The following AGGF1 variants were observed in gnomAD, a reference collection of about 807,000 sequenced individuals.
The protein encoded by AGGF1 is angiogenic factor with G-patch and FHA domains 1.
AGGF1 carries 56 observed loss-of-function variants against 86.5 expected under a neutral mutation model. The observed-to-expected ratio is 0.65, with a 90% CI of 0.52 to 0.81. The LOEUF is 0.81. AGGF1 is among the 30% of genes least tolerant of loss of function. The probability of loss-of-function intolerance (pLI) is 0.00; values close to 1 mark genes in which losing one functional copy is unlikely to be tolerated. For synonymous variants in AGGF1, 313 were observed against 297.1 expected, an observed-to-expected ratio of 1.05 and a Z score of -0.55; for missense variants, 816 against 850.9, an observed-to-expected ratio of 0.96 and a Z score of 0.51.
At chr5:77,031,812 G>A (rs995771941) in intron 1 of AGGF1, among the ~76,000 whole-genome samples, 4 of 152,144 alleles carry the variant, frequency 2.6e-5, no homozygotes, top group African/African-American at 9.7e-5. Context: ...GCTGAGGCAG[G>A]AGAATTGCTT....
At position 77,046,344 on chromosome 5, in the gene AGGF1, C is replaced by T. The variant is rs763334708; in HGVS notation, c.871-3C>T. On this transcript the variant is annotated splice_polypyrimidine_tract_variant and splice_region_variant and intron_variant, in intron 5 of 13. Coordinates refer to ENST00000312916, the MANE Select transcript of AGGF1 (RefSeq NM_018046.5). ...TCCCTCGTATCTACCCACCCTTCTC[C>T]AGGATTTGAACTCAGAGGATCAAAA... 1.9e-5 allele frequency: 30 copies of T among 1,612,342 alleles called. 1 individual carries two copies. The Admixed American group carries it at 3.7e-4, about 20-fold the overall frequency.
At chr5:77,042,195 C>T (rs545654080) in intron 5 of AGGF1, among the ~76,000 whole-genome samples, 15 of 151,970 alleles carry the variant, frequency 9.9e-5, no homozygotes, top group Non-Finnish European at 1.9e-4. Context: ...AAAATGAAGT[C>T]TCCCATGTCT....
chr5:77,042,939 C>T (rs1747147796), intron 5 of AGGF1, among the ~76,000 whole-genome samples: 1 of 62,744 alleles, frequency 1.6e-5, no homozygotes, highest in Admixed American at 1.4e-4. Context: ...CCGGGCGGGG[C>T]GGCTGGCCGG....
intron 11 of AGGF1, among the ~76,000 whole-genome samples, chr5:77,058,684 G>C (rs116795824): frequency 4.5e-4 from 68 of 152,122 alleles, no homozygotes; most frequent in South Asian, 8.3e-4. Flanking sequence ...TACCTTCCTT[G>C]AGTTGCTCTC....
chr5:77,046,291 A>T, intron 5 of AGGF1, 56 bp from the exon 6 acceptor site: 1 of 1,358,652 alleles, frequency 7.4e-7, no homozygotes, highest in Non-Finnish European at 1.1e-6. Context: ...GTTATAAGAT[A>T]GTGATGTTTA....
At chr5:77,047,599 C>T (rs1223368834) in intron 6 of AGGF1, among the ~76,000 whole-genome samples, 6 of 136,408 alleles carry the variant, frequency 4.4e-5, no homozygotes, top group Non-Finnish European at 9.8e-5. Context: ...CTGTAACCTC[C>T]GCCTCCTGGG....
chr5:77,048,510 C>T (rs1747311780), intron 7 of AGGF1, among the ~76,000 whole-genome samples: 3 of 152,118 alleles, frequency 2.0e-5, no homozygotes. Flanking sequence ...CACCACCACG[C>T]CCAGCTGATT....
At chr5:77,041,804 TA>T (rs1561285675) in intron 5 of AGGF1, among the ~76,000 whole-genome samples, 1,185 of 115,140 alleles carry the variant, frequency 0.01, 33 homozygotes, top group African/African-American at 0.037. Context: ...TTTATTTATT[TA>T]TTTATTTATT....
intron 5 of AGGF1, among the ~76,000 whole-genome samples, chr5:77,041,566 C>CAAAAAAA: frequency 1.4e-5 from 1 of 70,378 alleles, no homozygotes. Flanking sequence ...GACTCCATCT[C>CAAAAAAA]AAAAAAAAAA....
chr5:77,032,802 A>G (rs1746895561), intron 1 of AGGF1, among the ~76,000 whole-genome samples: 2 of 152,300 alleles, frequency 1.3e-5, no homozygotes, highest in East Asian at 1.9e-4. Flanking sequence ...TTTATTTCTT[A>G]CAGAAAAGAA....
chr5:77,031,078 T>C, intron 1 of AGGF1, 102 bp downstream of exon 1: 1 of 1,225,378 alleles, frequency 8.2e-7, no homozygotes, highest in Non-Finnish European at 1.2e-6. Flanking sequence ...TCAGAACTAC[T>C]GTAGAGTACT....
In AGGF1 at chr5:77,059,719, A is replaced by G. The variant is rs374227187; in HGVS notation, c.1820A>G (p.Asp607Gly). 3.1e-6 allele frequency: 5 copies of G among 1,613,870 alleles called. No homozygotes were observed. In the East Asian group the frequency reaches 6.7e-5, roughly 22 times the overall value. Reference sequence around the variant, plus strand: ...GGAAGTGAAGGAACTTTCCAAAGAGATGATGCTCCTGCATCTGTTCATTCG... The same window carrying G: ...GGAAGTGAAGGAACTTTCCAAAGAGGTGATGCTCCTGCATCTGTTCATTCG... Reference protein sequence around the residue: ...QVGSEGTFQRDDAPASVHSEI... With the variant: ...QVGSEGTFQRGDAPASVHSEI... Residue 607 changes from aspartate (D) to glycine (G), a missense_variant, in exon 12 of 14, where the codon GAT (aspartate) becomes GGT (glycine). Physicochemically the swap from Asp to Gly is moderately conservative, Grantham distance 94. This residue lies in a region of AGGF1 where 565 missense variants were observed against 585.8 expected (regional missense o/e 0.96). Transcript: ENST00000312916.
chr5:77,032,875 G>A lies in AGGF1; in HGVS notation c.211-1543G>A, dbSNP rs192498512. On this transcript the variant is annotated intron_variant, in intron 1 of 13. Transcript: ENST00000312916. The stretch of plus-strand genomic sequence containing the variant: ...CCCTAAAGAATTAGAAAATTTAAGA[G>A]CTATCAATTCCCATTCATGTTATCT... Among the ~76,000 whole-genome samples the A allele has an allele frequency of 9.9e-5, 15 of 152,180 alleles. 1 individual carries two copies. In the East Asian group the frequency reaches 2.5e-3, roughly 25 times the overall value.
intron 5 of AGGF1, among the ~76,000 whole-genome samples, chr5:77,040,128 G>C (rs13153746): frequency 0.23 from 33,148 of 145,290 alleles, 3,827 homozygotes; most frequent in Non-Finnish European, 0.26. Flanking sequence ...TTTTTTTTGA[G>C]ACAGAGTTTC....
intron 4 of AGGF1, among the ~76,000 whole-genome samples, chr5:77,038,770 A>G (rs1747008747): frequency 6.6e-6 from 1 of 152,146 alleles, no homozygotes; most frequent in Non-Finnish European, 1.5e-5. Context: ...TGGATTTAGG[A>G]TGTAAATAAA....
intron 5 of AGGF1, among the ~76,000 whole-genome samples, chr5:77,041,054 A>C (rs763298809): frequency 6.6e-6 from 1 of 152,242 alleles, no homozygotes; most frequent in Non-Finnish European, 1.5e-5. Flanking sequence ...CCAAAGAAAA[A>C]TTACTTGATA....
At chr5:77,046,247 A>T (rs115928121) in intron 5 of AGGF1, 100 bp from the exon 6 acceptor site, 1 of 1,012,188 alleles carries the variant, frequency 9.9e-7, no homozygotes, top group Non-Finnish European at 1.6e-6. Context: ...TTACTGACAC[A>T]TATCTTCACG....
chr5:77,060,387 T>A (rs1452557240), intron 12 of AGGF1, among the ~76,000 whole-genome samples: 1 of 152,214 alleles, frequency 6.6e-6, no homozygotes, highest in Non-Finnish European at 1.5e-5. Flanking sequence ...TGGTATTTTT[T>A]AATAATTCTT....
intron 8 of AGGF1, among the ~76,000 whole-genome samples, chr5:77,051,091 A>C (rs1413720921): frequency 6.6e-6 from 1 of 152,192 alleles, no homozygotes. Flanking sequence ...TACAAAGGAC[A>C]TAAAAAGAAA....
Sources: allele counts gnomAD v4.1 joint callset (sites outside exome capture counted in the v4.1 genomes callset), GRCh38; gene constraint gnomAD v4.1.1; regional missense constraint gnomAD v4.1.1; transcripts MANE v1.5; gene names NCBI Gene and HGNC (gene_info 2026-07-23, HGNC 2026-07-21).